The following ARHGAP39 variants were observed in gnomAD, a reference collection of about 807,000 sequenced individuals.
The protein encoded by ARHGAP39 is Rho GTPase activating protein 39, also known as rho GTPase-activating protein 39.
In ARHGAP39, 44 loss-of-function variants were observed where a neutral mutation model predicts 106.9. The observed-to-expected ratio is 0.41, with a 90% confidence interval of 0.32 to 0.53. The LOEUF is 0.53. Among genes scored for constraint, ARHGAP39 ranks in the 20% least tolerant of loss-of-function variants. The pLI is 0.21. For missense variants in ARHGAP39, 1,496 were observed against 1,577.3 expected, an observed-to-expected ratio of 0.95 and a Z score of 0.87; for synonymous variants, 768 against 693.2, an observed-to-expected ratio of 1.11 and a Z score of -1.69.
In ARHGAP39 at chr8:144,641,789, G is replaced by A. The variant is rs1426383678; in HGVS notation, c.-81-36094C>T. Among the ~76,000 whole-genome samples, 2 of 152,240 alleles carry A rather than the reference G, an allele frequency of 1.3e-5. No homozygotes were observed. The highest frequency in any genetic ancestry group is 2.9e-5 in the Non-Finnish European group (2 of 68,036). On this transcript the variant is annotated intron_variant, in intron 1 of 11. Coordinates refer to ENST00000377307, the MANE Select transcript of ARHGAP39 (RefSeq NM_025251.3). The surrounding 1 kb of genome is among the most constrained non-coding windows in gnomAD (Gnocchi z 5.2). ...TACCCAAGAGTGTCCTCTGAAGCCA[G>A]TGCATTTACCCATCATGCAAGGAGA...
chr8:144,544,499 C>A (rs1316263411), intron 6 of ARHGAP39, among the ~76,000 whole-genome samples: 2 of 152,128 alleles, frequency 1.3e-5, no homozygotes, highest in Non-Finnish European at 2.9e-5. Flanking sequence ...TGTGTGTGTG[C>A]GCGTGCATTT....
At chr8:144,627,234 G>C (rs1461627438) in intron 1 of ARHGAP39, among the ~76,000 whole-genome samples, 9 of 152,196 alleles carry the variant, frequency 5.9e-5, no homozygotes, top group African/African-American at 1.7e-4. Flanking sequence ...TTTTCAGCTG[G>C]TTGACCTTCC....
At chr8:144,601,686 C>T (rs1340397061) in intron 2 of ARHGAP39, among the ~76,000 whole-genome samples, 1 of 126,620 alleles carries the variant, frequency 7.9e-6, no homozygotes, top group African/African-American at 3.1e-5. Context: ...GCTCATGTAC[C>T]TGTGTGCATG....
In ARHGAP39 at chr8:144,547,558, TG is replaced by T; in HGVS notation, c.1527del (p.Thr510LeufsTer27). 1 of 1,472,208 alleles carries T rather than the reference TG, an allele frequency of 6.8e-7. No individual in the cohort carries two copies. Among genetic ancestry groups the T allele is most frequent in the Non-Finnish European group, 9.0e-7 (1 of 1,114,520 alleles). The allele number at this position is 1,472,208 out of a possible 1,614,324, so 91.2% of individuals were successfully genotyped here. ...ACAAGCAGGTCCCCGGGGCCCTCAGTGGGGGTGGCGCTGGTGGCTTGGCACA... is the reference window on the plus strand; with the variant it reads ...ACAAGCAGGTCCCCGGGGCCCTCAGTGGGGTGGCGCTGGTGGCTTGGCACA... ...PSLCQATSATPTEGPGDLLVE... is the reference protein window; with the variant it reads ...PSLCQATSATXTEGPGDLLVE... On this transcript the variant is annotated frameshift_variant, in exon 5 of 12. Coordinates refer to ENST00000377307, the MANE Select transcript of ARHGAP39 (RefSeq NM_025251.3). LOFTEE classifies it high-confidence loss of function. The surrounding 1 kb of genome is among the most constrained non-coding windows in gnomAD (Gnocchi z 5.2).
chr8:144,602,221 G>A (rs1351071818), intron 2 of ARHGAP39, among the ~76,000 whole-genome samples: 1 of 139,670 alleles, frequency 7.2e-6, no homozygotes, highest in Non-Finnish European at 1.5e-5. Context: ...GCGAGCTCGT[G>A]TACCTGTGTG....
intron 1 of ARHGAP39, among the ~76,000 whole-genome samples, chr8:144,610,032 T>C (rs1305003412): frequency 6.6e-6 from 1 of 152,212 alleles, no homozygotes; most frequent in Non-Finnish European, 1.5e-5. Context: ...TCTAAAAATT[T>C]CTTCTTACGT....
chr8:144,613,396 C>T (rs984501607), intron 1 of ARHGAP39, among the ~76,000 whole-genome samples: 1 of 152,052 alleles, frequency 6.6e-6, no homozygotes, highest in Non-Finnish European at 1.5e-5. Flanking sequence ...TGAAGGTCTG[C>T]TGGTAATGAA....
chr8:144,637,465 C>T (rs1264887116), intron 1 of ARHGAP39, among the ~76,000 whole-genome samples: 3 of 152,086 alleles, frequency 2.0e-5, no homozygotes, highest in Admixed American at 6.6e-5. Context: ...CAAAAATTAG[C>T]TGGGCATGGT....
intron 1 of ARHGAP39, among the ~76,000 whole-genome samples, chr8:144,666,391 G>A (rs955560797): frequency 1.3e-5 from 2 of 152,134 alleles, no homozygotes; most frequent in African/African-American, 4.8e-5. Context: ...TGAAATGTGA[G>A]GACATGAGTT....
chr8:144,650,638 G>A (rs939900017), intron 1 of ARHGAP39, among the ~76,000 whole-genome samples: 1 of 152,064 alleles, frequency 6.6e-6, no homozygotes, highest in Non-Finnish European at 1.5e-5. Context: ...CAAATAAATA[G>A]GACTAAAGAC....
intron 1 of ARHGAP39, among the ~76,000 whole-genome samples, chr8:144,638,058 T>C (rs951327432): frequency 6.6e-6 from 1 of 152,164 alleles, no homozygotes; most frequent in African/African-American, 2.4e-5. Flanking sequence ...GCATCTTTAA[T>C]GATGGTCTGT....
chr8:144,597,579 G>C (rs776793005), intron 2 of ARHGAP39, among the ~76,000 whole-genome samples: 5 of 152,238 alleles, frequency 3.3e-5, no homozygotes, highest in Non-Finnish European at 7.3e-5. Context: ...ATGGGGGCAG[G>C]GGGCGGGGGG....
At chr8:144,607,575 C>A (rs1429492381) in intron 1 of ARHGAP39, among the ~76,000 whole-genome samples, 1 of 152,190 alleles carries the variant, frequency 6.6e-6, no homozygotes, top group Non-Finnish European at 1.5e-5. Flanking sequence ...CCCACCCCGC[C>A]CCCCAGGAGA....
intron 4 of ARHGAP39, among the ~76,000 whole-genome samples, chr8:144,554,412 C>T (rs1347453508): frequency 1.3e-5 from 2 of 152,200 alleles, no homozygotes. Flanking sequence ...CACAGATGAG[C>T]TCAGGGATAA....
At chr8:144,695,040 A>C in the ARHGAP39 span, among the ~76,000 whole-genome samples, 2 of 150,332 alleles carry the variant, frequency 1.3e-5, no homozygotes, top group African/African-American at 4.9e-5. Flanking sequence ...GGCCATTTGG[A>C]TTGTACCATC....
At chr8:144,555,732 C>T (rs1817892913) in intron 3 of ARHGAP39, 89 bp from the exon 4 acceptor site, 1 of 1,138,214 alleles carries the variant, frequency 8.8e-7, no homozygotes, top group Non-Finnish European at 1.3e-6. Context: ...TGTGGCACTG[C>T]CACCTCAATT....
At chr8:144,594,101 A>AG (rs1401162934) in intron 2 of ARHGAP39, among the ~76,000 whole-genome samples, 2 of 151,994 alleles carry the variant, frequency 1.3e-5, no homozygotes, top group East Asian at 3.9e-4. Context: ...AAAAAAAAAA[A>AG]AAAAAAAGAT....
chr8:144,685,281 C>G (rs1822555276), intron 1 of ARHGAP39, among the ~76,000 whole-genome samples: 1 of 150,798 alleles, frequency 6.6e-6, no homozygotes, highest in Non-Finnish European at 1.5e-5. Context: ...CAGGGGCACA[C>G]CCACACCCAC....
At chr8:144,690,846 C>T (rs982673072), upstream of ARHGAP39, among the ~76,000 whole-genome samples, 2 of 145,682 alleles carry the variant, frequency 1.4e-5, no homozygotes, top group African/African-American at 2.6e-5. Flanking sequence ...TTTGTAGAGA[C>T]GGGGTTTCGT....
Sources: allele counts gnomAD v4.1 joint callset (sites outside exome capture counted in the v4.1 genomes callset), GRCh38; gene constraint gnomAD v4.1.1; non-coding constraint Gnocchi (gnomAD v3.1); transcripts MANE v1.5; gene names NCBI Gene and HGNC (gene_info 2026-07-23, HGNC 2026-07-21).